The following ZNF385D variants were observed in gnomAD, a reference collection of about 807,000 sequenced individuals.
ZNF385D encodes the protein zinc finger protein 659.
A neutral mutation model predicts 35.8 loss-of-function variants in ZNF385D; 15 were observed. The ratio of observed to expected loss-of-function variants is 0.42; its 90% CI spans 0.28 to 0.64. ZNF385D has a LOEUF of 0.64. ZNF385D is among the 30% of genes least tolerant of loss of function. The pLI is 0.23. For synonymous variants in ZNF385D, 212 were observed against 186.8 expected (o/e 1.13, Z -1.10); for missense variants, 474 against 494.6 (o/e 0.96, Z 0.39).
chr3:21,446,467 G>C (rs116398226), intron 4 of ZNF385D, among the ~76,000 whole-genome samples: 1,914 of 138,758 alleles, frequency 0.014, 40 homozygotes, highest in African/African-American at 0.048. Flanking sequence ...AAAAATTTTA[G>C]ATACTACCTA....
At chr3:21,816,113 T>C (rs1043135858) in intron 3 of ZNF385D, among the ~76,000 whole-genome samples, 2 of 152,150 alleles carry the variant, frequency 1.3e-5, no homozygotes, top group Non-Finnish European at 2.9e-5. Flanking sequence ...GAAAAGGCCT[T>C]TGACAAAATT....
chr3:21,903,984 C>T (rs1156476633), intron 3 of ZNF385D, among the ~76,000 whole-genome samples: 1 of 152,076 alleles, frequency 6.6e-6, no homozygotes. Context: ...CAAAGGTTTG[C>T]ATCCCCATAT....
At chr3:22,229,188 T>A (rs557973441) in intron 2 of ZNF385D, among the ~76,000 whole-genome samples, 1 of 152,344 alleles carries the variant, frequency 6.6e-6, no homozygotes, top group South Asian at 2.1e-4. Context: ...TCCATTTTAT[T>A]GTTTCACCAG....
chr3:22,074,026 G>A (rs1347969836), intron 3 of ZNF385D, among the ~76,000 whole-genome samples: 2 of 151,722 alleles, frequency 1.3e-5, no homozygotes, highest in African/African-American at 4.8e-5. Context: ...ATATGTCCAG[G>A]GATCTTAAAA....
chr3:22,337,169 G>C (rs570559095), intron 2 of ZNF385D, among the ~76,000 whole-genome samples: 1 of 151,580 alleles, frequency 6.6e-6, no homozygotes, highest in African/African-American at 2.4e-5. Context: ...TTTTCCATGA[G>C]ATTTTTTTTT....
At chr3:22,223,741 GGTGA>G (rs1347610460) in intron 2 of ZNF385D, among the ~76,000 whole-genome samples, 1 of 152,132 alleles carries the variant, frequency 6.6e-6, no homozygotes, top group African/African-American at 2.4e-5. Context: ...GAGAAAATAA[GGTGA>G]GTGGAACATT....
chr3:21,642,420 T>G (rs999096705), intron 2 of ZNF385D, among the ~76,000 whole-genome samples: 3 of 151,974 alleles, frequency 2.0e-5, no homozygotes, highest in African/African-American at 7.2e-5. Context: ...ACACTGCCAC[T>G]TCACTGGGAT....
intron 3 of ZNF385D, among the ~76,000 whole-genome samples, chr3:21,518,667 T>G (rs912946829): frequency 5.3e-5 from 8 of 152,052 alleles, no homozygotes; most frequent in African/African-American, 1.9e-4. Flanking sequence ...ATACTTATGG[T>G]TTTTTTATTG....
chr3:22,077,961 C>T (rs1700549179), intron 3 of ZNF385D, among the ~76,000 whole-genome samples: 1 of 151,934 alleles, frequency 6.6e-6, no homozygotes, highest in South Asian at 2.1e-4. Context: ...GGCTGACAAC[C>T]TGAAAAGTCC....
In ZNF385D at chr3:21,727,868, T is replaced by A. The variant is rs142895107; in HGVS notation, c.22+23027A>T. On this transcript the variant is annotated intron_variant, in intron 1 of 7. Transcript: ENST00000281523. ...AACTATAAAGACACAAGCACACATA[T>A]GTTTACTGTGGCACTATTCACAATA... Among the ~76,000 whole-genome samples the A allele has an allele frequency of 2.4e-3, 373 of 152,296 alleles. 3 individuals are homozygous for A. Among genetic ancestry groups the A allele is most frequent in the African/African-American group, 8.4e-3 (349 of 41,554 alleles).
intron 1 of ZNF385D, among the ~76,000 whole-genome samples, chr3:21,725,404 C>T (rs889381045): frequency 2.0e-5 from 3 of 151,424 alleles, no homozygotes; most frequent in African/African-American, 4.9e-5. Flanking sequence ...GCTGTTTTTT[C>T]GAAAAGATCA....
At chr3:21,494,029 G>A (rs190438675) in intron 4 of ZNF385D, among the ~76,000 whole-genome samples, 117 of 151,774 alleles carry the variant, frequency 7.7e-4, no homozygotes, top group African/African-American at 2.2e-3. Context: ...TTCTGTCATC[G>A]TCTAGATAGC....
upstream of ZNF385D, among the ~76,000 whole-genome samples, chr3:21,752,007 A>ACCCCCC (rs71044940): frequency 5.6e-4 from 50 of 88,570 alleles, no homozygotes; most frequent in Non-Finnish European, 6.3e-4. Flanking sequence ...ACACACACCC[A>ACCCCCC]CCCCCCTCCC....
chr3:21,569,963 C>T (rs936870019), intron 2 of ZNF385D, among the ~76,000 whole-genome samples: 18 of 150,728 alleles, frequency 1.2e-4, no homozygotes, highest in Admixed American at 4.0e-4. Flanking sequence ...TGCTAAATGA[C>T]GAGTTAATGG....
At chr3:21,704,856 T>G (rs1304886346) in intron 1 of ZNF385D, among the ~76,000 whole-genome samples, 1 of 152,188 alleles carries the variant, frequency 6.6e-6, no homozygotes, top group Non-Finnish European at 1.5e-5. Context: ...CACATAGTGC[T>G]AGAAAAAGTA....
intron 2 of ZNF385D, among the ~76,000 whole-genome samples, chr3:22,234,468 C>T (rs1300231850): frequency 6.6e-6 from 1 of 151,960 alleles, no homozygotes; most frequent in Non-Finnish European, 1.5e-5. Flanking sequence ...GTCAGCATTC[C>T]CTATTAATGC....
At chr3:21,429,023 G>T (rs1053639475) in intron 5 of ZNF385D, among the ~76,000 whole-genome samples, 18 of 145,266 alleles carry the variant, frequency 1.2e-4, no homozygotes, top group South Asian at 6.6e-4. Context: ...TAATATGGGG[G>T]CAAGGGGCTA....
At chr3:21,997,101 A>G (rs1443399222) in intron 3 of ZNF385D, among the ~76,000 whole-genome samples, 1 of 152,210 alleles carries the variant, frequency 6.6e-6, no homozygotes, top group Non-Finnish European at 1.5e-5. Context: ...ACCAACCCAA[A>G]TGTCCATCAA....
At chr3:22,050,235 G>A (rs1013744253) in intron 3 of ZNF385D, among the ~76,000 whole-genome samples, 2 of 151,566 alleles carry the variant, frequency 1.3e-5, no homozygotes, top group Non-Finnish European at 2.9e-5. Context: ...GGTGGTACAC[G>A]CTTATAGCCC....
Sources: allele counts gnomAD v4.1 joint callset (sites outside exome capture counted in the v4.1 genomes callset), GRCh38; gene constraint gnomAD v4.1.1; transcripts MANE v1.5; gene names NCBI Gene and HGNC (gene_info 2026-07-23, HGNC 2026-07-21).